NUP153: variants seen among roughly 807,000 people sequenced by gnomAD.
The protein encoded by NUP153 is nucleoporin 153.
Under a neutral mutation model 134.6 loss-of-function variants are expected in NUP153, and 27 were observed. The ratio of observed to expected loss-of-function variants is 0.20; its 90% CI spans 0.15 to 0.28. The LOEUF (loss-of-function observed/expected upper bound fraction) is 0.28, where lower values mean the gene tolerates loss of function less well. NUP153 is among the 10% of genes least tolerant of loss of function. The pLI, the probability that NUP153 is intolerant of heterozygous loss-of-function variation, is 1.00. For synonymous variants in NUP153, 640 were observed against 623.5 expected (o/e 1.03, Z -0.40); for missense variants, 1,821 against 1,731.3 (o/e 1.05, Z -0.92).
chr6:17,615,817 C>G lies in NUP153; in HGVS notation c.*280G>C, dbSNP rs1764282483. The G allele has an allele frequency of 4.2e-5, 15 of 357,178 alleles. No individual in the cohort carries two copies. The highest frequency in any genetic ancestry group is 1.5e-5 in the Non-Finnish European group (3 of 196,684). 22.1% of individuals were successfully genotyped at this position (357,178 alleles called of 1,614,324 possible). The stretch of plus-strand genomic sequence containing the variant: ...GCCATTCACCGTGCAGGCTCCATTC[C>G]TGGGTACAGCCAGACTATGTCAAAT... On this transcript the variant is annotated 3_prime_UTR_variant, in exon 22 of 22. Coordinates refer to ENST00000262077, the MANE Select transcript of NUP153 (RefSeq NM_005124.4). This position sits in a 1 kb window ranked among gnomAD's most constrained non-coding sequence, Gnocchi z 5.7.
chr6:17,660,494 T>C (rs1243938891), intron 11 of NUP153, among the ~76,000 whole-genome samples: 1 of 152,034 alleles, frequency 6.6e-6, no homozygotes, highest in Non-Finnish European at 1.5e-5. Flanking sequence ...TCTGTCCCTA[T>C]CTTTTCCAAA....
chr6:17,673,270 G>A (rs1768024110), intron 5 of NUP153, among the ~76,000 whole-genome samples: 2 of 152,114 alleles, frequency 1.3e-5, no homozygotes, highest in African/African-American at 2.4e-5. Context: ...TCAGGAGGCT[G>A]ACGCAGAGAA....
chr6:17,630,740 GGAGGGGAGAAGGGAGGGGA>G (rs1483180729), intron 17 of NUP153, among the ~76,000 whole-genome samples: 5 of 143,850 alleles, frequency 3.5e-5, no homozygotes, highest in Non-Finnish European at 7.8e-5. Context: ...AGGGGAGAGG[GGAGGGGAGAAGGGAGGGGA>G]GAGGGGAGAG....
At chr6:17,703,929 T>G (rs1770289972) in intron 1 of NUP153, among the ~76,000 whole-genome samples, 1 of 152,162 alleles carries the variant, frequency 6.6e-6, no homozygotes, top group South Asian at 2.1e-4. Flanking sequence ...ACACCTTGGA[T>G]CATAGGTGTT....
intron 1 of NUP153, among the ~76,000 whole-genome samples, chr6:17,703,435 G>A (rs1441368116): frequency 6.6e-6 from 1 of 151,960 alleles, no homozygotes; most frequent in Non-Finnish European, 1.5e-5. Context: ...CCAACTTTCT[G>A]CTATACTACC....
chr6:17,649,611 A>G (rs952951075), intron 11 of NUP153, among the ~76,000 whole-genome samples: 1 of 152,184 alleles, frequency 6.6e-6, no homozygotes, highest in Non-Finnish European at 1.5e-5. Flanking sequence ...ATAGTAGCCT[A>G]CCTTATCCAT....
chr6:17,696,633 T>C (rs575564783), intron 1 of NUP153, among the ~76,000 whole-genome samples: 38 of 152,212 alleles, frequency 2.5e-4, no homozygotes, highest in Middle Eastern at 3.4e-3. Flanking sequence ...TGGATGCCTG[T>C]AGTCCCAGCT....
At chr6:17,691,150 G>GA (rs1458423148) in intron 1 of NUP153, among the ~76,000 whole-genome samples, 62 of 150,056 alleles carry the variant, frequency 4.1e-4, no homozygotes, top group African/African-American at 1.0e-3. Context: ...TCCGTCTCAA[G>GA]AAAAAAAAAG....
intron 1 of NUP153, among the ~76,000 whole-genome samples, chr6:17,701,002 G>C (rs1770022774): frequency 6.6e-6 from 1 of 152,050 alleles, no homozygotes; most frequent in Admixed American, 6.5e-5. Flanking sequence ...CAGGTGGATG[G>C]ATCACTTGAG....
chr6:17,647,875 T>A lies in NUP153; in HGVS notation c.1564A>T (p.Ser522Cys). ...VQMTSPSSTG[S>C]PMFKFSSPIV... is the part of the protein sequence containing the mutation. ...GGAGATGAAAATTTAAACATGGGAC[T>A]GCCAGTGCTGCTCGGAGAGGTCATT... Residue 522 changes from serine (S) to cysteine (C), a missense_variant, in exon 13 of 22, where the codon AGT (serine) becomes TGT (cysteine). Coordinates refer to ENST00000262077, the MANE Select transcript of NUP153 (RefSeq NM_005124.4). The A allele has an allele frequency of 6.2e-7, 1 of 1,613,436 alleles. No homozygotes were observed. Among genetic ancestry groups the A allele is most frequent in the Non-Finnish European group, 8.5e-7 (1 of 1,179,406 alleles).
chr6:17,616,687 A>G lies in NUP153; in HGVS notation c.4183T>C (p.Phe1395Leu), dbSNP rs1455006817. ...TTTGTAGTGCTGCTGCCAAACTGGAAAGCCGAACCTGCAATAGTTAAAGCA... is the reference window on the plus strand; with the variant it reads ...TTTGTAGTGCTGCTGCCAAACTGGAGAGCCGAACCTGCAATAGTTAAAGCA... ...SGTTPNSSSA[F>L]QFGSSTTNFN... Residue 1395 changes from phenylalanine (F) to leucine (L), a missense_variant, in exon 21 of 22, where the codon TTC becomes CTC. By Grantham distance (22) the Phe-to-Leu change is conservative. Coordinates refer to ENST00000262077, the MANE Select transcript of NUP153 (RefSeq NM_005124.4). 6.2e-7 allele frequency: 1 copy of G among 1,611,844 alleles called. No homozygotes were observed. Among genetic ancestry groups the G allele is most frequent in the Admixed American group, 1.7e-5 (1 of 59,774 alleles).
intron 20 of NUP153, among the ~76,000 whole-genome samples, chr6:17,619,044 A>G (rs1432224300): frequency 6.6e-6 from 1 of 152,204 alleles, no homozygotes; most frequent in Non-Finnish European, 1.5e-5. Flanking sequence ...CACAAACGAT[A>G]AAAACAAACC....
intron 14 of NUP153, among the ~76,000 whole-genome samples, chr6:17,645,167 C>T (rs1413691874): frequency 2.0e-5 from 3 of 147,356 alleles, no homozygotes; most frequent in East Asian, 4.1e-4. Flanking sequence ...CGTTTGAATT[C>T]GGGAGGCAGA....
intron 20 of NUP153, among the ~76,000 whole-genome samples, chr6:17,624,037 C>G (rs988591858): frequency 6.6e-6 from 1 of 151,956 alleles, no homozygotes. Context: ...TATTATATTT[C>G]ACAATTAGAA....
At chr6:17,663,261 A>ATG in intron 9 of NUP153, among the ~76,000 whole-genome samples, 1 of 85,168 alleles carries the variant, frequency 1.2e-5, no homozygotes, top group Non-Finnish European at 3.2e-5. Flanking sequence ...ACACACACAC[A>ATG]TATATATATA....
At chr6:17,676,158 T>C (rs1315444730) in intron 2 of NUP153, among the ~76,000 whole-genome samples, 1 of 152,208 alleles carries the variant, frequency 6.6e-6, no homozygotes, top group Non-Finnish European at 1.5e-5. Context: ...TTTGATACTG[T>C]TGCTTTTATT....
intron 1 of NUP153, among the ~76,000 whole-genome samples, chr6:17,705,585 T>TGGGGG (rs200771105): frequency 7.5e-5 from 3 of 40,008 alleles, no homozygotes; most frequent in Non-Finnish European, 1.5e-4. Context: ...GTGGCGGTGT[T>TGGGGG]GGGGGGGGGG....
intron 14 of NUP153, among the ~76,000 whole-genome samples, chr6:17,645,467 C>CTT (rs71002239): frequency 2.2e-5 from 3 of 135,394 alleles, no homozygotes; most frequent in Non-Finnish European, 3.2e-5. Flanking sequence ...ATTTCTTTTT[C>CTT]TTTTTTTTTT....
intron 20 of NUP153, chr6:17,619,402 C>G (rs543502148): frequency 6.6e-6 from 1 of 152,096 alleles, no homozygotes; most frequent in Non-Finnish European, 1.5e-5. Flanking sequence ...GAAACGGGTT[C>G]CTCTACGAAG....
Sources: allele counts gnomAD v4.1 joint callset (sites outside exome capture counted in the v4.1 genomes callset), GRCh38; gene constraint gnomAD v4.1.1; non-coding constraint Gnocchi (gnomAD v3.1); transcripts MANE v1.5; gene names NCBI Gene and HGNC (gene_info 2026-07-23, HGNC 2026-07-21).